The following NTNG1 variants were observed in gnomAD, a reference collection of about 807,000 sequenced individuals.
NTNG1 encodes the protein netrin G1, also known as netrin-G1.
Under a neutral mutation model 54.0 loss-of-function variants are expected in NTNG1, and 16 were observed. The observed-to-expected ratio is 0.30, with a 90% confidence interval of 0.20 to 0.45. The LOEUF is 0.45. NTNG1 is among the 20% of genes least tolerant of loss of function. The pLI, the probability that NTNG1 is intolerant of heterozygous loss-of-function variation, is 1.00. For missense variants in NTNG1, 530 were observed against 678.7 expected, an observed-to-expected ratio of 0.78 and a Z score of 2.43; for synonymous variants, 255 against 263.1, an observed-to-expected ratio of 0.97 and a Z score of 0.30.
chr1:107,255,737 C>T (rs1178338832), intron 2 of NTNG1, among the ~76,000 whole-genome samples: 1 of 152,128 alleles, frequency 6.6e-6, no homozygotes, highest in Non-Finnish European at 1.5e-5. Flanking sequence ...GCCTATATAA[C>T]AAGTTTTCTC....
intron 2 of NTNG1, among the ~76,000 whole-genome samples, chr1:107,296,930 C>T (rs933359607): frequency 1.4e-4 from 21 of 149,214 alleles, no homozygotes; most frequent in Admixed American, 6.1e-4. Context: ...TCAGTACTTA[C>T]ACTGTGTTCA....
chr1:107,393,909 C>T (rs544293253), intron 3 of NTNG1, among the ~76,000 whole-genome samples: 1 of 151,768 alleles, frequency 6.6e-6, no homozygotes, highest in African/African-American at 2.4e-5. Flanking sequence ...GGCATTTGGC[C>T]CAAGAGAAAA....
chr1:107,355,155 C>T (rs1407189266), intron 3 of NTNG1, among the ~76,000 whole-genome samples: 1 of 151,736 alleles, frequency 6.6e-6, no homozygotes, highest in Non-Finnish European at 1.5e-5. Context: ...TCTCTGATTC[C>T]TCACTTGTGC....
chr1:107,283,870 T>G (rs1192007009), intron 2 of NTNG1, among the ~76,000 whole-genome samples: 1 of 152,208 alleles, frequency 6.6e-6, no homozygotes, highest in Non-Finnish European at 1.5e-5. Flanking sequence ...AGTTATTCAT[T>G]TGCATGCCCT....
intron 5 of NTNG1, among the ~76,000 whole-genome samples, chr1:107,428,892 A>T (rs1675072300): frequency 6.6e-6 from 1 of 152,046 alleles, no homozygotes; most frequent in South Asian, 2.1e-4. Flanking sequence ...TAACTCTATG[A>T]TTATTGGTGG....
At chr1:107,211,265 TC>T (rs775222636) in intron 2 of NTNG1, among the ~76,000 whole-genome samples, 11 of 152,176 alleles carry the variant, frequency 7.2e-5, no homozygotes, top group Middle Eastern at 3.4e-3. Flanking sequence ...CATTCATACA[TC>T]CTATAAGATG....
intron 2 of NTNG1, among the ~76,000 whole-genome samples, chr1:107,317,614 C>A (rs938236680): frequency 3.9e-5 from 6 of 152,164 alleles, no homozygotes; most frequent in Non-Finnish European, 7.3e-5. Flanking sequence ...TCAGCCTTCA[C>A]CAGTTTGAAA....
chr1:107,481,020 A>G lies in NTNG1; in HGVS notation c.*180A>G. 1.8e-6 allele frequency: 1 copy of G among 554,392 alleles called. No homozygotes were observed. The allele number at this position is 554,392 out of a possible 1,614,324, so 34.3% of individuals were successfully genotyped here. On this transcript the variant is annotated 3_prime_UTR_variant, in exon 8 of 8. Transcript: ENST00000370068. ...CACCCGTGGACAGCACATCCGAGTC[A>G]AGACTGTTAATTTCTGACTCCAGAG...
intron 2 of NTNG1, among the ~76,000 whole-genome samples, chr1:107,297,718 T>C (rs1282575123): frequency 6.6e-6 from 1 of 152,076 alleles, no homozygotes; most frequent in African/African-American, 2.4e-5. Flanking sequence ...GGGATGAAAA[T>C]ATCAACACAT....
At chr1:107,452,519 A>G (rs1676688675) in intron 7 of NTNG1, among the ~76,000 whole-genome samples, 1 of 152,162 alleles carries the variant, frequency 6.6e-6, no homozygotes, top group Admixed American at 6.5e-5. Context: ...TGGGGCCTAC[A>G]GGGAGGTGTT....
At chr1:107,146,944 G>T (rs368898939) in intron 1 of NTNG1, among the ~76,000 whole-genome samples, 3 of 151,900 alleles carry the variant, frequency 2.0e-5, no homozygotes, top group East Asian at 3.8e-4. Context: ...GTCTATAATA[G>T]AATTTTCTAA....
chr1:107,308,757 T>G (rs1347239672), intron 2 of NTNG1, among the ~76,000 whole-genome samples: 1 of 152,240 alleles, frequency 6.6e-6, no homozygotes, highest in African/African-American at 2.4e-5. Flanking sequence ...ATGGCCATTT[T>G]AATAATATTG....
At chr1:107,306,360 C>T (rs113214488) in intron 2 of NTNG1, among the ~76,000 whole-genome samples, 2 of 152,330 alleles carry the variant, frequency 1.3e-5, no homozygotes, top group African/African-American at 4.8e-5. Flanking sequence ...CATCACATCT[C>T]ATTTGGACTA....
At chr1:107,193,497 G>A (rs1658110174) in intron 2 of NTNG1, among the ~76,000 whole-genome samples, 1 of 151,936 alleles carries the variant, frequency 6.6e-6, no homozygotes, top group Admixed American at 6.6e-5. Context: ...TAATCTTTTA[G>A]TAATAGCCAG....
At chr1:107,472,834 T>A (rs1678071237) in intron 7 of NTNG1, among the ~76,000 whole-genome samples, 1 of 152,186 alleles carries the variant, frequency 6.6e-6, no homozygotes, top group Non-Finnish European at 1.5e-5. Context: ...TCTATAAAGT[T>A]TCTTCCATGG....
chr1:107,208,910 G>A (rs1659406868), intron 2 of NTNG1, among the ~76,000 whole-genome samples: 3 of 151,972 alleles, frequency 2.0e-5, no homozygotes, highest in Admixed American at 2.0e-4. Flanking sequence ...CTGACCACAT[G>A]CCACAGTATT....
At chr1:107,448,434 A>G (rs913202148) in intron 7 of NTNG1, among the ~76,000 whole-genome samples, 2 of 152,096 alleles carry the variant, frequency 1.3e-5, no homozygotes, top group Non-Finnish European at 2.9e-5. Flanking sequence ...AGATCCTTGC[A>G]ACTTAAAAGT....
At chr1:107,262,020 A>G (rs567620070) in intron 2 of NTNG1, among the ~76,000 whole-genome samples, 2 of 152,358 alleles carry the variant, frequency 1.3e-5, no homozygotes, top group East Asian at 3.9e-4. Flanking sequence ...AAAATAAGAT[A>G]CACCTTAAAA....
intron 5 of NTNG1, among the ~76,000 whole-genome samples, chr1:107,428,996 C>T (rs1570941614): frequency 2.6e-5 from 4 of 152,218 alleles, no homozygotes; most frequent in Admixed American, 2.6e-4. Context: ...ATGCCACCTT[C>T]TCCCAGTACT....
Sources: gnomAD v4.1 joint callset for allele counts (sites outside exome capture counted in the v4.1 genomes callset) on GRCh38, gnomAD v4.1.1 for gene constraint, MANE v1.5 for transcripts, NCBI Gene and HGNC (gene_info 2026-07-23, HGNC 2026-07-21) for gene names.